The following SIX4 variants were observed in gnomAD, a reference collection of about 807,000 sequenced individuals.
The protein encoded by SIX4 is SIX homeobox 4, also known as homeobox protein SIX4.
A neutral mutation model predicts 51.5 loss-of-function variants in SIX4; 23 were observed. That is an observed-to-expected ratio of 0.45 (90% CI 0.32 to 0.63). The LOEUF is 0.63. Ranked by LOEUF, SIX4 falls within the 30% of genes least tolerant of loss-of-function variation. The pLI is 0.04. For missense variants in SIX4, 867 were observed against 984.0 expected, an observed-to-expected ratio of 0.88 and a Z score of 1.59; for synonymous variants, 413 against 417.3, an observed-to-expected ratio of 0.99 and a Z score of 0.13.
In SIX4 at chr14:60,723,771, C is replaced by T. The variant is rs1176436500; in HGVS notation, c.304G>A (p.Ala102Thr). The change falls in exon 1 of 3, where the codon GCG becomes ACG. Residue 102 changes from alanine (A) to threonine (T), a missense_variant. Ala to Thr is a moderately conservative substitution (Grantham distance 58). Transcript: ENST00000216513. Reference protein sequence around the residue: ...GRHHHAAAAAAQTPLAFSPDH... With the variant: ...GRHHHAAAAATQTPLAFSPDH... ...GGCGAGAAGGCCAGCGGGGTCTGCG[C>T]GGCGGCGGCGGCGGCGTGGTGGTGC... is the stretch of plus-strand genomic sequence containing the variant. 2.6e-6 allele frequency: 4 copies of T among 1,522,774 alleles called. No individual in the cohort carries two copies. The highest frequency in any genetic ancestry group is 2.4e-5 in the South Asian group (2 of 82,320). 94.3% of individuals were successfully genotyped at this position (1,522,774 alleles called of 1,614,324 possible). A position where few individuals can be genotyped will look rare whatever the true frequency, so the allele number is the denominator to read the frequency against.
rs751937836 is a variant in SIX4 at position 60,723,463 on chromosome 14, G to A, written c.612C>T (p.Ala204=). ...TCCTGCGCAGCCGGTACTTGTCTAC[G>A]GCTCCCAGCGGCCGGCCGCGGGCTC... ...AERARGRPLG[A]VDKYRLRRKF... is the part of the protein sequence containing the mutation. The change falls in exon 1 of 3, where the codon GCC becomes GCT. Residue 204 remains alanine (A), a synonymous_variant. Coordinates refer to ENST00000216513, the MANE Select transcript of SIX4 (RefSeq NM_017420.5). 6.2e-7 allele frequency: 1 copy of A among 1,607,920 alleles called. No individual in the cohort carries two copies. The highest frequency in any genetic ancestry group is 8.5e-7 in the Non-Finnish European group (1 of 1,179,668).
In SIX4 at chr14:60,722,998, G is replaced by T; in HGVS notation, c.863+214C>A. ...GCGACCAGAAACTTCTGGGGGGAGA[G>T]GGGGAGGGTAAGGAGGGAGGTTCCC... is the stretch of plus-strand genomic sequence containing the variant. On this transcript the variant is annotated intron_variant, in intron 1 of 2. Coordinates refer to ENST00000216513, the MANE Select transcript of SIX4 (RefSeq NM_017420.5). The surrounding 1 kb of genome is among the most constrained non-coding windows in gnomAD (Gnocchi z 5.9). 2.0e-6 allele frequency: 2 copies of T among 1,016,664 alleles called. No individual in the cohort carries two copies. The highest frequency in any genetic ancestry group is 2.7e-6 in the Non-Finnish European group (2 of 736,090). The allele number at this position is 1,016,664 out of a possible 1,614,324, so 63.0% of individuals were successfully genotyped here.
Position 60,717,747 on chromosome 14 carries a change from C to CTG in SIX4, c.1549+2011_1549+2012dup, listed in dbSNP as rs1895943091. Among the ~76,000 whole-genome samples the CTG allele has an allele frequency of 6.6e-6, 1 of 152,084 alleles. No homozygotes were observed. The highest frequency in any genetic ancestry group is 6.6e-5 in the Admixed American group (1 of 15,262). ...GATAAGAAAAAAATCAGGCCAGGCG[C>CTG]TGTGGCTCATGCCTGTAATCCCAGC... is the stretch of plus-strand genomic sequence containing the variant. On this transcript the variant is annotated intron_variant, in intron 2 of 2. Coordinates refer to ENST00000216513, the MANE Select transcript of SIX4 (RefSeq NM_017420.5). This position sits in a 1 kb window ranked among gnomAD's most constrained non-coding sequence, Gnocchi z 4.6.
rs113777031 is a variant in SIX4 at position 60,710,669 on chromosome 14, T to A, written c.*2738A>T. On this transcript the variant is annotated 3_prime_UTR_variant, in exon 3 of 3. Coordinates refer to ENST00000216513, the MANE Select transcript of SIX4 (RefSeq NM_017420.5). Reference sequence around the variant, plus strand: ...AGGGTTCTGAGTCTGGCCCTTGGTATGGCAAAAGACATTTGCAATTCTGTG... The same window carrying A: ...AGGGTTCTGAGTCTGGCCCTTGGTAAGGCAAAAGACATTTGCAATTCTGTG... 3.4e-4 allele frequency: 52 copies of A among 152,780 alleles called. No individual in the cohort carries two copies. Among genetic ancestry groups the A allele is most frequent in the African/African-American group, 1.3e-3 (52 of 41,580 alleles). The allele number at this position is 152,780 out of a possible 1,614,324, so 9.5% of individuals were successfully genotyped here.
rs948346257 is a variant in SIX4, at chr14:60,712,362, T to C, written c.*1045A>G. On this transcript the variant is annotated 3_prime_UTR_variant, in exon 3 of 3. Coordinates refer to ENST00000216513, the MANE Select transcript of SIX4 (RefSeq NM_017420.5). ...CCTGTTAGATAGTAGAAAAGAACCA[T>C]CAGTGCTTCTGTTGACACTTCTGTA... 1 of 152,616 alleles carries C rather than the reference T, an allele frequency of 6.6e-6. No homozygotes were observed. The highest frequency in any genetic ancestry group is 1.9e-4 in the East Asian group (1 of 5,204). 9.5% of individuals were successfully genotyped at this position (152,616 alleles called of 1,614,324 possible).
In SIX4 at chr14:60,722,046, G is replaced by C. The variant is rs1471032410; in HGVS notation, c.863+1166C>G. 6.6e-6 allele frequency among the ~76,000 whole-genome samples: 1 copy of C among 152,156 alleles called. No individual in the cohort carries two copies. The highest frequency in any genetic ancestry group is 1.5e-5 in the Non-Finnish European group (1 of 68,018). ...CGGGCTGAGACCGGCTCTGGAATGCGCTGGTGATCACCTTCACCTGGCGCA... is the reference window on the plus strand; with the variant it reads ...CGGGCTGAGACCGGCTCTGGAATGCCCTGGTGATCACCTTCACCTGGCGCA... On this transcript the variant is annotated intron_variant, in intron 1 of 2. Coordinates refer to ENST00000216513, the MANE Select transcript of SIX4 (RefSeq NM_017420.5). The surrounding 1 kb of genome is among the most constrained non-coding windows in gnomAD (Gnocchi z 5.9).
intron 2 of SIX4, among the ~76,000 whole-genome samples, chr14:60,716,129 G>T (rs564790602): frequency 1.1e-4 from 17 of 152,152 alleles, no homozygotes; most frequent in African/African-American, 3.6e-4. Context: ...GTCTCCCAAA[G>T]TGCTGGGATT....
At chr14:60,718,013 AAAT>A (rs370845559) in intron 2 of SIX4, 6,124 of 223,604 alleles carry the variant, frequency 0.027, 190 homozygotes, top group African/African-American at 0.097. Flanking sequence ...CTCCGCCTAA[AAAT>A]AATAATAATA....
At chr14:60,721,139 A>T in intron 1 of SIX4, 2 of 985,636 alleles carry the variant, frequency 2.0e-6, no homozygotes, top group Non-Finnish European at 2.4e-6. Flanking sequence ...AACACCATCC[A>T]GTGCCCTGGT....
Position 60,720,132 on chromosome 14 carries a change from G to A in SIX4, c.1177C>T (p.Pro393Ser), listed in dbSNP as rs140880760. The A allele has an allele frequency of 1.9e-5, 31 of 1,613,950 alleles. No homozygotes were observed. Among genetic ancestry groups the A allele is most frequent in the Non-Finnish European group, 2.5e-6 (3 of 1,180,028 alleles). ...VGNTQAVALN[P>S]PKMSSNIVSN... ...ACAATGTTTGATGACATTTTTGGTG[G>A]GTTCAATGCCACTGCCTGTGTATTT... The change falls in exon 2 of 3, where the codon CCA becomes TCA. Residue 393 changes from proline (P) to serine (S), a missense_variant. Pro to Ser is a moderately conservative substitution (Grantham distance 74, BLOSUM62 -1). Coordinates refer to ENST00000216513, the MANE Select transcript of SIX4 (RefSeq NM_017420.5). The surrounding 1 kb of genome is among the most constrained non-coding windows in gnomAD (Gnocchi z 5.5).
Position 60,720,718 on chromosome 14 carries a change from A to C in SIX4, c.864-273T>G, listed in dbSNP as rs558940593. On this transcript the variant is annotated intron_variant, in intron 1 of 2. Coordinates refer to ENST00000216513, the MANE Select transcript of SIX4 (RefSeq NM_017420.5). This position sits in a 1 kb window ranked among gnomAD's most constrained non-coding sequence, Gnocchi z 5.5. ...GACATCTGCAAGATGTAAATTCAGC[A>C]TTACAGGAGAAGAACATATTTGATT... is the stretch of plus-strand genomic sequence containing the variant. Among the ~76,000 whole-genome samples, 62 of 152,336 alleles carry C rather than the reference A, an allele frequency of 4.1e-4. No homozygotes were observed. The highest frequency in any genetic ancestry group is 1.5e-3 in the African/African-American group (61 of 41,576).
At chr14:60,718,659 T>C (rs1392900331) in intron 2 of SIX4, among the ~76,000 whole-genome samples, 1 of 152,236 alleles carries the variant, frequency 6.6e-6, no homozygotes, top group Non-Finnish European at 1.5e-5. Context: ...AATGATGAAC[T>C]GAATAGTATG....
At position 60,712,438 on chromosome 14, in the gene SIX4, T is replaced by C. The variant is rs1171974715; in HGVS notation, c.*969A>G. 3 of 152,524 alleles carry C rather than the reference T, an allele frequency of 2.0e-5. No individual in the cohort carries two copies. The highest frequency in any genetic ancestry group is 6.6e-5 in the Admixed American group (1 of 15,266). The allele number at this position is 152,524 out of a possible 1,614,324, so 9.4% of individuals were successfully genotyped here. ...AGGTAAAAAGGCACATAGAATTCTA[T>C]AAAAAACATATTTAAATGAATCAGA... On this transcript the variant is annotated 3_prime_UTR_variant, in exon 3 of 3. Transcript: ENST00000216513.
Position 60,712,429 on chromosome 14 carries a change from A to G in SIX4, c.*978T>C, listed in dbSNP as rs1895840461. The G allele has an allele frequency of 6.6e-6, 1 of 152,668 alleles. No individual in the cohort carries two copies. Among genetic ancestry groups the G allele is most frequent in the African/African-American group, 2.4e-5 (1 of 41,468 alleles). The allele number at this position is 152,668 out of a possible 1,614,324, so 9.5% of individuals were successfully genotyped here. ...AAGGCCACGAGGTAAAAAGGCACAT[A>G]GAATTCTATAAAAAACATATTTAAA... On this transcript the variant is annotated 3_prime_UTR_variant, in exon 3 of 3. Coordinates refer to ENST00000216513, the MANE Select transcript of SIX4 (RefSeq NM_017420.5).
chr14:60,715,596 C>T (rs1895908045), intron 2 of SIX4, among the ~76,000 whole-genome samples: 1 of 152,082 alleles, frequency 6.6e-6, no homozygotes, highest in South Asian at 2.1e-4. Context: ...TCTTTTGAGA[C>T]TCTTACTATA....
In SIX4 at chr14:60,710,358, T is replaced by C. The variant is rs1895799304; in HGVS notation, c.*3049A>G. On this transcript the variant is annotated 3_prime_UTR_variant, in exon 3 of 3. Transcript: ENST00000216513. ...CATTACTATAAATATACATGAGATA[T>C]AAAGCAGTACAACACAGGTGCTCTT... The C allele has an allele frequency of 6.6e-6, 1 of 152,612 alleles. No homozygotes were observed. Among genetic ancestry groups the C allele is most frequent in the Non-Finnish European group, 1.5e-5 (1 of 68,038 alleles). The allele number at this position is 152,612 out of a possible 1,614,324, so 9.5% of individuals were successfully genotyped here. A position where few individuals can be genotyped will look rare whatever the true frequency, so the allele number is the denominator to read the frequency against.
rs147121728 is a variant in SIX4 at position 60,713,603 on chromosome 14, G to C, written c.2150C>G (p.Ser717Trp). 3 of 1,614,182 alleles carry C rather than the reference G, an allele frequency of 1.9e-6. No homozygotes were observed. Among genetic ancestry groups the C allele is most frequent in the Admixed American group, 1.7e-5 (1 of 60,014 alleles). ...FVQEHRLVLQSVANMKENFLS... is the reference protein window; with the variant it reads ...FVQEHRLVLQWVANMKENFLS... Reference sequence around the variant, plus strand: ...GAAATTCTCTTTCATGTTAGCTACCGATTGCAGAACCAAACGATGTTCTTG... The same window carrying C: ...GAAATTCTCTTTCATGTTAGCTACCCATTGCAGAACCAAACGATGTTCTTG... Residue 717 changes from serine to tryptophan, a missense_variant, in exon 3 of 3, where the codon TCG (serine) becomes TGG (tryptophan). Transcript: ENST00000216513.
At chr14:60,714,252 GAA>G in intron 2 of SIX4, 49 bp from the exon 3 acceptor site, 10 of 1,477,406 alleles carry the variant, frequency 6.8e-6, no homozygotes, top group Non-Finnish European at 8.9e-6. Context: ...GAGAGGGAAA[GAA>G]AAAAAGTTAC....
In SIX4 at chr14:60,719,559, A is replaced by G. The variant is rs749523484; in HGVS notation, c.1549+201T>C. On this transcript the variant is annotated intron_variant, in intron 2 of 2. Transcript: ENST00000216513. The surrounding 1 kb of genome is among the most constrained non-coding windows in gnomAD (Gnocchi z 4.9). ...GTTAGTAAAATAAAAGCCCATCCTC[A>G]TGATGCAAGGGAATAAAGCAACCTG... is the stretch of plus-strand genomic sequence containing the variant. 9.2e-5 allele frequency among the ~76,000 whole-genome samples: 14 copies of G among 152,328 alleles called. No homozygotes were observed. Among genetic ancestry groups the G allele is most frequent in the Non-Finnish European group, 1.6e-4 (11 of 68,038 alleles).
Sources: gnomAD v4.1 joint callset for allele counts (sites outside exome capture counted in the v4.1 genomes callset) on GRCh38, gnomAD v4.1.1 for gene constraint, Gnocchi (gnomAD v3.1) non-coding constraint, MANE v1.5 for transcripts, NCBI Gene and HGNC (gene_info 2026-07-23, HGNC 2026-07-21) for gene names.